The following UBR4 variants were observed in gnomAD, a reference collection of about 807,000 sequenced individuals.
UBR4 encodes E3 ubiquitin-protein ligase UBR4.
UBR4 carries 124 observed loss-of-function variants against 575.6 expected under a neutral mutation model. That is an observed-to-expected ratio of 0.22 (90% CI 0.19 to 0.25). The LOEUF (loss-of-function observed/expected upper bound fraction) is 0.25. Among genes scored for constraint, UBR4 ranks in the 10% least tolerant of loss-of-function variants. The pLI, the probability that UBR4 is intolerant of heterozygous loss-of-function variation, is 1.00. For missense variants in UBR4, 4,818 were observed against 6,478.8 expected, an observed-to-expected ratio of 0.74 and a Z score of 8.80; for synonymous variants, 2,455 against 2,473.7, an observed-to-expected ratio of 0.99 and a Z score of 0.22.
chr1:19,107,118 T>A (rs6674453), intron 81 of UBR4, 152 bp from the exon 82 acceptor site: 63,495 of 1,176,166 alleles, frequency 0.054, 2,143 homozygotes, highest in Admixed American at 0.11. Context: ...CAAATATGTG[T>A]TCCTGTTAAA....
intron 8 of UBR4, among the ~76,000 whole-genome samples, chr1:19,196,385 G>A (rs919437605): frequency 6.6e-6 from 1 of 152,152 alleles, no homozygotes; most frequent in African/African-American, 2.4e-5. Context: ...CCAAGGTCAG[G>A]TCTCCAAGAC....
intron 74 of UBR4, 112 bp from the exon 75 acceptor site, chr1:19,115,061 G>A: frequency 7.0e-7 from 1 of 1,430,412 alleles, no homozygotes; most frequent in Non-Finnish European, 9.6e-7. Context: ...TACTGCAGGG[G>A]CTACTGAAGG....
intron 8 of UBR4, among the ~76,000 whole-genome samples, chr1:19,195,967 TATACACACAC>T (rs1558002246): frequency 9.6e-6 from 1 of 104,508 alleles, no homozygotes; most frequent in Non-Finnish European, 1.9e-5. Flanking sequence ...CAGACTTACT[TATACACACAC>T]ACACACACAC....
intron 105 of UBR4, 89 bp from the exon 106 acceptor site, chr1:19,074,985 C>A: frequency 7.2e-7 from 1 of 1,394,890 alleles, no homozygotes; most frequent in South Asian, 1.2e-5. Flanking sequence ...TAGCAGAGAA[C>A]ACACTGCGGT....
chr1:19,084,741 T>C, intron 101 of UBR4, 43 bp from the exon 102 acceptor site: 2 of 1,558,868 alleles, frequency 1.3e-6, no homozygotes, highest in Non-Finnish European at 1.7e-6. Flanking sequence ...AGTGAGTTCC[T>C]GGTGAAAACC....
chr1:19,126,383 G>A (rs1320199249), intron 64 of UBR4, 63 bp downstream of exon 64: 97 of 1,597,776 alleles, frequency 6.1e-5, no homozygotes, highest in Non-Finnish European at 7.8e-5. Flanking sequence ...TCTGCACCGC[G>A]AGGAAAGAGA....
Position 19,162,968 on chromosome 1 carries a change from CT to C in UBR4, c.4765-358del, listed in dbSNP as rs563010844. Among the ~76,000 whole-genome samples the C allele has an allele frequency of 4.0e-3, 602 of 152,302 alleles. 4 individuals are homozygous for C. The highest frequency in any genetic ancestry group is 0.014 in the Middle Eastern group (4 of 294). ...AGAGACTCCCATTAGCATTTCCCCC[CT>C]AACATTAGCATTTTTTAACCATTAA... On this transcript the variant is annotated intron_variant, in intron 34 of 105. Transcript: ENST00000375254.
chr1:19,099,154 C>A (rs2078363024), intron 90 of UBR4, among the ~76,000 whole-genome samples: 1 of 152,162 alleles, frequency 6.6e-6, no homozygotes. Flanking sequence ...CATTCCCCAA[C>A]TAGTAAAACA....
chr1:19,161,480 T>C, intron 37 of UBR4, 109 bp downstream of exon 37: 2 of 1,425,802 alleles, frequency 1.4e-6, no homozygotes, highest in Non-Finnish European at 9.5e-7. Flanking sequence ...AGCTGGAACA[T>C]ATTCCTAGAC....
intron 102 of UBR4, chr1:19,081,987 A>C (rs928898083): frequency 1.6e-5 from 9 of 579,390 alleles, no homozygotes; most frequent in Non-Finnish European, 2.8e-5. Flanking sequence ...CAAAAACATG[A>C]ATCAAGATTC....
chr1:19,081,266 C>G (rs754261604), intron 103 of UBR4, 83 bp downstream of exon 103: 6 of 1,239,144 alleles, frequency 4.8e-6, no homozygotes, highest in Non-Finnish European at 6.8e-6. Flanking sequence ...ATGCCTTCAC[C>G]TAGCACGTGC....
intron 105 of UBR4, 112 bp downstream of exon 105, chr1:19,076,628 G>A: frequency 7.0e-7 from 1 of 1,428,566 alleles, no homozygotes; most frequent in Non-Finnish European, 9.7e-7. Flanking sequence ...CTGACAGGCT[G>A]GTTCATACTG....
At chr1:19,181,586 T>A (rs1042133131) in intron 17 of UBR4, among the ~76,000 whole-genome samples, 3 of 152,162 alleles carry the variant, frequency 2.0e-5, no homozygotes, top group Admixed American at 6.5e-5. Context: ...TTTTTCATGA[T>A]CCCACACTAA....
chr1:19,177,676 C>T lies in UBR4; in HGVS notation c.2422G>A (p.Val808Ile), dbSNP rs780484733. 6.8e-6 allele frequency: 11 copies of T among 1,613,956 alleles called. No individual in the cohort carries two copies. Among genetic ancestry groups the T allele is most frequent in the Non-Finnish European group, 9.3e-6 (11 of 1,180,024 alleles). Residue 808 changes from valine to isoleucine, a missense_variant, in exon 19 of 106, where the codon GTA (valine) becomes ATA (isoleucine). By Grantham distance (29) the Val-to-Ile change is conservative (BLOSUM62 3). Around this residue, in one of 29 missense-constraint regions of UBR4, gnomAD observed 1,172 missense variants for 1,259.7 expected, o/e 0.93. Coordinates refer to ENST00000375254, the MANE Select transcript of UBR4 (RefSeq NM_020765.3). The part of the protein sequence containing the change: ...VVPSETEDLN[V>I]EHLQMLLLIF... Reference sequence around the variant, plus strand: ...AGGAGGAGCATCTGCAGGTGTTCTACATTCAGATCCTCTGTCTCACTGGGC... The same window carrying T: ...AGGAGGAGCATCTGCAGGTGTTCTATATTCAGATCCTCTGTCTCACTGGGC...
chr1:19,187,241 G>C lies in UBR4; in HGVS notation c.1555C>G (p.Gln519Glu). 6.2e-7 allele frequency: 1 copy of C among 1,614,052 alleles called. No individual in the cohort carries two copies. The highest frequency in any genetic ancestry group is 8.5e-7 in the Non-Finnish European group (1 of 1,179,992). Residue 519 changes from glutamine to glutamate, a missense_variant, in exon 13 of 106, where the codon CAG becomes GAG. Coordinates refer to ENST00000375254, the MANE Select transcript of UBR4 (RefSeq NM_020765.3). ...GAGTCAATCAGCCGTTGAATCCTCTGTATGGAGGTGCTCTGGGCCATAATG... is the reference window on the plus strand; with the variant it reads ...GAGTCAATCAGCCGTTGAATCCTCTCTATGGAGGTGCTCTGGGCCATAATG... ...LSIMAQSTSI[Q>E]RIQRLIDSVP... is the part of the protein sequence containing the mutation.
rs373897497 is a variant in UBR4 at position 19,199,748 on chromosome 1, C to T, written c.281G>A (p.Arg94Gln). The T allele has an allele frequency of 1.2e-5, 19 of 1,613,874 alleles. No homozygotes were observed. The highest frequency in any genetic ancestry group is 4.0e-5 in the African/African-American group (3 of 74,890). Residue 94 changes from arginine (R) to glutamine (Q), a missense_variant, in exon 3 of 106, where the codon CGG (arginine) becomes CAG (glutamine). By Grantham distance (43) the Arg-to-Gln change is conservative. This residue lies in a region of UBR4 where 85 missense variants were observed against 134.2 expected (regional missense o/e 0.63). Transcript: ENST00000375254. ...YITTVCSLIP[R>Q]NQLQSVAAAC... is the part of the protein sequence containing the mutation. ...TGCTGCCACTGACTGAAGTTGGTTCCGGGGAACTGAGAAAGTAATAAACAT... is the reference window on the plus strand; with the variant it reads ...TGCTGCCACTGACTGAAGTTGGTTCTGGGGAACTGAGAAAGTAATAAACAT...
chr1:19,141,341 T>C lies in UBR4; in HGVS notation c.8488+6A>G, dbSNP rs2083916792. The C allele has an allele frequency of 1.9e-6, 3 of 1,614,110 alleles. No individual in the cohort carries two copies. The highest frequency in any genetic ancestry group is 1.6e-4 in the Middle Eastern group (1 of 6,080). On this transcript the variant is annotated splice_donor_region_variant and intron_variant, in intron 57 of 105. Transcript: ENST00000375254. ...GGGCCGCTTTGTTCTTGGCATGGCC[T>C]TCTACCTTGTTGGTCCTGCTGCAGG...
At chr1:19,099,700 C>T (rs2078419373) in intron 89 of UBR4, 23 bp from the exon 90 acceptor site, 1 of 1,603,652 alleles carries the variant, frequency 6.2e-7, no homozygotes, top group East Asian at 2.2e-5. Flanking sequence ...GCAGGTGAAG[C>T]TGTTGTTCCA....
Position 19,150,740 on chromosome 1 carries a change from A to G in UBR4, c.7267T>C (p.Tyr2423His), listed in dbSNP as rs1303576470. ...GVTMIDAVKI[Y>H]GKTKEQFGWP... ...CCAAACTGCTCCTTAGTCTTGCCAT[A>G]AATTTTTACAGCATCTATCATGGTG... Residue 2423 changes from tyrosine (Y) to histidine (H), a missense_variant, in exon 49 of 106, where the codon TAT becomes CAT. This residue lies in a region of UBR4 where 340 missense variants were observed against 375.4 expected (regional missense o/e 0.91). Coordinates refer to ENST00000375254, the MANE Select transcript of UBR4 (RefSeq NM_020765.3). 6.2e-7 allele frequency: 1 copy of G among 1,613,958 alleles called. No individual in the cohort carries two copies. Among genetic ancestry groups the G allele is most frequent in the Non-Finnish European group, 8.5e-7 (1 of 1,179,988 alleles).
Sources: gnomAD v4.1 joint callset for allele counts (sites outside exome capture counted in the v4.1 genomes callset) on GRCh38, gnomAD v4.1.1 for gene constraint, gnomAD v4.1.1 regional missense constraint, MANE v1.5 for transcripts, NCBI Gene and HGNC (gene_info 2026-07-23, HGNC 2026-07-21) for gene names.